Variants in SCAMP1 observed in about 807,000 individuals in gnomAD.
SCAMP1 encodes the protein secretory carrier membrane protein 1, also known as secretory carrier-associated membrane protein 1.
A neutral mutation model predicts 41.8 loss-of-function variants in SCAMP1; 15 were observed. That is an observed-to-expected ratio of 0.36 (90% CI 0.24 to 0.55). The LOEUF (loss-of-function observed/expected upper bound fraction) is 0.55, where lower values mean the gene tolerates loss of function less well. Ranked by LOEUF, SCAMP1 falls within the 20% of genes least tolerant of loss-of-function variation. The pLI is 0.86. For synonymous variants in SCAMP1, 135 were observed against 136.8 expected (o/e 0.99, Z 0.09); for missense variants, 341 against 412.6 (o/e 0.83, Z 1.50).
rs1300054469 is a variant in SCAMP1, at chr5:78,460,797, CTTCCTTCCTCCCTTCCTTCCTTCCTTTCT to C, written c.852+1437_852+1465del. Among the ~76,000 whole-genome samples, 20 of 54,352 alleles carry C rather than the reference CTTCCTTCCTCCCTTCCTTCCTTCCTTTCT, an allele frequency of 3.7e-4. 1 individual carries two copies. The highest frequency in any genetic ancestry group is 2.1e-3 in the African/African-American group (20 of 9,314). 35.7% of individuals were successfully genotyped at this position (54,352 alleles called of 152,430 possible). A position where few individuals can be genotyped will look rare whatever the true frequency, so the allele number is the denominator to read the frequency against. ...CCTTCCTTCCTTCCTTCCTTCCTTC[CTTCCTTCCTCCCTTCCTTCCTTCCTTTCT>C]TGTCTTTCCTCTATCTGTCTCTCTT... is the stretch of plus-strand genomic sequence containing the variant. On this transcript the variant is annotated intron_variant, in intron 8 of 8. Coordinates refer to ENST00000621999, the MANE Select transcript of SCAMP1 (RefSeq NM_004866.6).
intron 8 of SCAMP1, among the ~76,000 whole-genome samples, chr5:78,465,824 T>G (rs574850379): frequency 6.6e-6 from 1 of 152,162 alleles, no homozygotes; most frequent in Non-Finnish European, 1.5e-5. Context: ...AAGTTGAAAC[T>G]CTGGTCCACA....
chr5:78,471,486 T>C (rs1753882594), intron 8 of SCAMP1, among the ~76,000 whole-genome samples: 1 of 149,036 alleles, frequency 6.7e-6, no homozygotes. Context: ...AACTCATTTG[T>C]TTTTATTTTC....
At chr5:78,464,577 A>G (rs373346181) in intron 8 of SCAMP1, among the ~76,000 whole-genome samples, 6 of 152,098 alleles carry the variant, frequency 3.9e-5, no homozygotes, top group Non-Finnish European at 8.8e-5. Context: ...TATTAACCTT[A>G]AAAAAACCCC....
In SCAMP1 at chr5:78,374,987, A is replaced by T. The variant is rs181510121; in HGVS notation, c.58-13850A>T. ...TAATGGCTTTTCCTAGCTCCTTTTT[A>T]AAAAAAGTGGGGCATTTAGAAACTG... On this transcript the variant is annotated intron_variant, in intron 1 of 8. Transcript: ENST00000621999. 5.1e-4 allele frequency among the ~76,000 whole-genome samples: 78 copies of T among 152,128 alleles called. 1 individual carries two copies. Among genetic ancestry groups the T allele is most frequent in the African/African-American group, 1.5e-3 (63 of 41,528 alleles).
At chr5:78,399,438 A>G (rs1303814839) in intron 2 of SCAMP1, among the ~76,000 whole-genome samples, 1 of 152,236 alleles carries the variant, frequency 6.6e-6, no homozygotes, top group Non-Finnish European at 1.5e-5. Flanking sequence ...CCAACCAGCA[A>G]TGAATGAGAG....
At chr5:78,425,969 T>G (rs1181555066) in intron 6 of SCAMP1, among the ~76,000 whole-genome samples, 3 of 107,378 alleles carry the variant, frequency 2.8e-5, no homozygotes, top group Admixed American at 1.3e-4. Context: ...TGACAGGCCC[T>G]GGTTTGTGAT....
chr5:78,436,008 GC>G (rs1651385050), intron 6 of SCAMP1, among the ~76,000 whole-genome samples: 1 of 152,086 alleles, frequency 6.6e-6, no homozygotes, highest in African/African-American at 2.4e-5. Flanking sequence ...GTATCTTTTG[GC>G]TGCATAAATG....
chr5:78,460,693 T>TTG, intron 8 of SCAMP1, among the ~76,000 whole-genome samples: 1 of 112,374 alleles, frequency 8.9e-6, no homozygotes, highest in South Asian at 2.7e-4. Context: ...ATCCTGTAGA[T>TTG]TGTCTCTTTA....
chr5:78,416,042 T>C (rs569396035), intron 3 of SCAMP1, among the ~76,000 whole-genome samples: 9 of 152,294 alleles, frequency 5.9e-5, no homozygotes, highest in South Asian at 2.1e-4. Context: ...TAAGGGCAAA[T>C]TGAGTTATAA....
chr5:78,383,151 T>C (rs192774007), intron 1 of SCAMP1, among the ~76,000 whole-genome samples: 3 of 152,354 alleles, frequency 2.0e-5, no homozygotes, highest in Non-Finnish European at 4.4e-5. Flanking sequence ...AGTAAGTTGG[T>C]ATCACATTGT....
rs1235687634 is a variant in SCAMP1, at chr5:78,476,126, T to C, written c.*458T>C. 2 of 152,666 alleles carry C rather than the reference T, an allele frequency of 1.3e-5. No homozygotes were observed. The highest frequency in any genetic ancestry group is 4.8e-5 in the African/African-American group (2 of 41,454). The allele number at this position is 152,666 out of a possible 1,614,324, so 9.5% of individuals were successfully genotyped here. On this transcript the variant is annotated 3_prime_UTR_variant, in exon 9 of 9. Coordinates refer to ENST00000621999, the MANE Select transcript of SCAMP1 (RefSeq NM_004866.6). ...CAGCAGAGACTTAGGGATTTTAAAT[T>C]GGCTTGCTTTTTAGCTGTTTCAGTC...
intron 2 of SCAMP1, among the ~76,000 whole-genome samples, chr5:78,391,209 T>C (rs1348013937): frequency 2.0e-5 from 3 of 151,888 alleles, no homozygotes; most frequent in Non-Finnish European, 2.9e-5. Flanking sequence ...GAGGGGCTCC[T>C]CACTTCCCAG....
At chr5:78,419,759 G>A (rs2112144385) in intron 5 of SCAMP1, among the ~76,000 whole-genome samples, 1 of 152,264 alleles carries the variant, frequency 6.6e-6, no homozygotes, top group South Asian at 2.1e-4. Context: ...TTCCCTTAAT[G>A]GATGAGATAA....
intron 5 of SCAMP1, among the ~76,000 whole-genome samples, chr5:78,419,114 G>T (rs73132401): frequency 0.028 from 4,321 of 152,204 alleles, 220 homozygotes; most frequent in African/African-American, 0.097. Context: ...AGAAAAACTT[G>T]TATGTTGAGA....
At chr5:78,451,670 T>C (rs527284060) in intron 7 of SCAMP1, among the ~76,000 whole-genome samples, 26 of 152,264 alleles carry the variant, frequency 1.7e-4, no homozygotes, top group Middle Eastern at 3.4e-3. Context: ...GATTGATTGA[T>C]TGATTGAGAC....
At position 78,430,203 on chromosome 5, in the gene SCAMP1, T is replaced by TTATTTATAAATACTG; in HGVS notation, c.632+8256_632+8257insTGTATTTATAAATAC. On this transcript the variant is annotated intron_variant, in intron 6 of 8. Transcript: ENST00000621999. Reference sequence around the variant, plus strand: ...CAGTATTTATTTATAAATACAGTATTTATTTATAAATACAGTATTTATTTA... The same window carrying TTATTTATAAATACTG: ...CAGTATTTATTTATAAATACAGTATTTATTTATAAATACTGTATTTATAAATACAGTATTTATTTA... 5.4e-5 allele frequency among the ~76,000 whole-genome samples: 2 copies of TTATTTATAAATACTG among 36,796 alleles called. 1 individual carries two copies. The highest frequency in any genetic ancestry group is 1.9e-4 in the African/African-American group (2 of 10,648). 24.1% of individuals were successfully genotyped at this position (36,796 alleles called of 152,430 possible).
chr5:78,449,347 G>A (rs1230757566), intron 6 of SCAMP1, among the ~76,000 whole-genome samples: 1 of 152,004 alleles, frequency 6.6e-6, no homozygotes, highest in East Asian at 1.9e-4. Flanking sequence ...CACAAAACTG[G>A]GTGAATCTCA....
chr5:78,429,741 T>C (rs1427697926), intron 6 of SCAMP1, among the ~76,000 whole-genome samples: 1 of 152,238 alleles, frequency 6.6e-6, no homozygotes, highest in Admixed American at 6.5e-5. Flanking sequence ...TTGGACAGAA[T>C]ACTGAAATGG....
At chr5:78,465,515 T>A (rs1408684669) in intron 8 of SCAMP1, among the ~76,000 whole-genome samples, 1 of 152,194 alleles carries the variant, frequency 6.6e-6, no homozygotes, top group Non-Finnish European at 1.5e-5. Flanking sequence ...CAGATATTTG[T>A]TGAATAAAAG....
Sources: gnomAD v4.1 joint callset for allele counts (sites outside exome capture counted in the v4.1 genomes callset) on GRCh38, gnomAD v4.1.1 for gene constraint, MANE v1.5 for transcripts, NCBI Gene and HGNC (gene_info 2026-07-23, HGNC 2026-07-21) for gene names.